Variants in CECR2 observed in about 807,000 individuals in gnomAD.
CECR2 encodes the protein CECR2 histone acetyl-lysine reader, also known as chromatin remodeling regulator CECR2.
CECR2 carries 30 observed loss-of-function variants against 154.5 expected under a neutral mutation model. The ratio of observed to expected loss-of-function variants is 0.19; its 90% CI spans 0.15 to 0.26. CECR2 has a LOEUF of 0.26. Among genes scored for constraint, CECR2 ranks in the 10% least tolerant of loss-of-function variants. The pLI is 1.00. For missense variants in CECR2, 1,743 were observed against 1,829.3 expected (o/e 0.95, Z 0.86); for synonymous variants, 725 against 683.7 (o/e 1.06, Z -0.94).
At chr22:17,521,047 A>C (rs2056148918) in intron 8 of CECR2, among the ~76,000 whole-genome samples, 4 of 152,042 alleles carry the variant, frequency 2.6e-5, no homozygotes, top group Admixed American at 2.6e-4. Context: ...ACCAGTTTAC[A>C]CTCCCACCAA....
At chr22:17,530,721 C>T (rs535672396) in intron 9 of CECR2, among the ~76,000 whole-genome samples, 2 of 151,242 alleles carry the variant, frequency 1.3e-5, no homozygotes, top group Non-Finnish European at 2.9e-5. Flanking sequence ...AAAAGTGAAA[C>T]AGCCAAGTGT....
intron 2 of CECR2, among the ~76,000 whole-genome samples, chr22:17,483,898 A>G (rs977522905): frequency 1.3e-5 from 2 of 152,212 alleles, no homozygotes; most frequent in Non-Finnish European, 2.9e-5. Context: ...TTATACAGAT[A>G]CACCATTTTA....
intron 1 of CECR2, among the ~76,000 whole-genome samples, chr22:17,471,102 C>T (rs2055119984): frequency 6.6e-6 from 1 of 152,160 alleles, no homozygotes; most frequent in African/African-American, 2.4e-5. Flanking sequence ...TCCCAAACAA[C>T]AAGCAACAGC....
intron 1 of CECR2, among the ~76,000 whole-genome samples, chr22:17,442,554 T>C (rs901476048): frequency 1.3e-5 from 2 of 151,940 alleles, no homozygotes; most frequent in African/African-American, 4.8e-5. Context: ...TTTTTGTTTG[T>C]TTTGTGTTTT....
intron 1 of CECR2, among the ~76,000 whole-genome samples, chr22:17,385,807 G>A (rs2063252371): frequency 6.6e-6 from 1 of 152,220 alleles, no homozygotes; most frequent in Admixed American, 6.5e-5. Flanking sequence ...GTACAACGAG[G>A]TGGGCCTGTA....
chr22:17,523,713 A>T (rs2056198517), intron 8 of CECR2, among the ~76,000 whole-genome samples: 1 of 146,666 alleles, frequency 6.8e-6, no homozygotes, highest in South Asian at 2.2e-4. Context: ...CCAAGATCGC[A>T]CCACTGCACT....
At chr22:17,418,231 T>G (rs1011181588) in intron 1 of CECR2, among the ~76,000 whole-genome samples, 6 of 152,222 alleles carry the variant, frequency 3.9e-5, no homozygotes, top group African/African-American at 1.4e-4. Context: ...CAGATAAATT[T>G]GTCTGTCCTG....
chr22:17,361,162 C>CAAACAAAGCAAAACA (rs567725805), intron 1 of CECR2, among the ~76,000 whole-genome samples: 1 of 151,930 alleles, frequency 6.6e-6, no homozygotes, highest in African/African-American at 2.4e-5. Flanking sequence ...GACCCTGTCT[C>CAAACAAAGCAAAACA]AAACAAAGCA....
chr22:17,420,663 A>G (rs2054232010), intron 1 of CECR2, among the ~76,000 whole-genome samples: 1 of 152,302 alleles, frequency 6.6e-6, no homozygotes, highest in Non-Finnish European at 1.5e-5. Context: ...GAAAATAAAT[A>G]TAACTTTGTA....
chr22:17,521,336 C>T (rs1365305739), intron 8 of CECR2, among the ~76,000 whole-genome samples: 2 of 152,088 alleles, frequency 1.3e-5, no homozygotes, highest in Admixed American at 6.6e-5. Context: ...GTCAGGAGAT[C>T]GAGACCATCC....
At chr22:17,363,781 T>C (rs1416005288) in intron 1 of CECR2, among the ~76,000 whole-genome samples, 2 of 152,120 alleles carry the variant, frequency 1.3e-5, no homozygotes, top group African/African-American at 2.4e-5. Flanking sequence ...GACTACAGTG[T>C]GTACCAACAT....
intron 9 of CECR2, among the ~76,000 whole-genome samples, chr22:17,531,881 A>G (rs1403982728): frequency 6.6e-6 from 1 of 152,158 alleles, no homozygotes; most frequent in African/African-American, 2.4e-5. Flanking sequence ...GGACGATGGG[A>G]TTGATGGCCA....
At chr22:17,408,165 T>C (rs1411799572) in intron 1 of CECR2, among the ~76,000 whole-genome samples, 1 of 152,110 alleles carries the variant, frequency 6.6e-6, no homozygotes, top group Admixed American at 6.6e-5. Flanking sequence ...TCCAAGACGT[T>C]TTTATCACCT....
intron 16 of CECR2, among the ~76,000 whole-genome samples, chr22:17,545,553 A>G (rs903586156): frequency 6.6e-6 from 1 of 151,950 alleles, no homozygotes; most frequent in African/African-American, 2.4e-5. Flanking sequence ...ACTTAAGATA[A>G]TAGATTCCTG....
At chr22:17,522,031 T>G (rs374301273) in intron 8 of CECR2, among the ~76,000 whole-genome samples, 1 of 152,234 alleles carries the variant, frequency 6.6e-6, no homozygotes, top group Non-Finnish European at 1.5e-5. Context: ...TTACTGGTTT[T>G]TGTCAGGTTT....
chr22:17,469,438 A>G (rs1387531368), intron 1 of CECR2, among the ~76,000 whole-genome samples: 2 of 152,164 alleles, frequency 1.3e-5, no homozygotes, highest in Non-Finnish European at 2.9e-5. Context: ...CGACGGGGTC[A>G]TTTCTCCCAG....
At chr22:17,419,618 A>G (rs867335377) in intron 1 of CECR2, 3 of 330,354 alleles carry the variant, frequency 9.1e-6, no homozygotes, top group Middle Eastern at 3.9e-4. Flanking sequence ...GGGAGCTGCC[A>G]TTATGATGAT....
chr22:17,379,674 T>C (rs1189562901), intron 1 of CECR2, among the ~76,000 whole-genome samples: 5 of 152,024 alleles, frequency 3.3e-5, no homozygotes, highest in African/African-American at 1.2e-4. Flanking sequence ...GAATTTTCAG[T>C]GTAGAACACA....
intron 7 of CECR2, among the ~76,000 whole-genome samples, chr22:17,509,710 G>C (rs2055907965): frequency 6.6e-6 from 1 of 152,142 alleles, no homozygotes; most frequent in Non-Finnish European, 1.5e-5. Flanking sequence ...TCAATGTACA[G>C]AGCATAGTAT....
Sources: allele counts gnomAD v4.1 joint callset (sites outside exome capture counted in the v4.1 genomes callset), GRCh38; gene constraint gnomAD v4.1.1; transcripts MANE v1.5; gene names NCBI Gene and HGNC (gene_info 2026-07-23, HGNC 2026-07-21).